Variants in UNC5D observed in about 807,000 individuals in gnomAD.
UNC5D encodes the protein netrin receptor UNC5D.
Under a neutral mutation model 105.4 loss-of-function variants are expected in UNC5D, and 39 were observed. The ratio of observed to expected loss-of-function variants is 0.37; its 90% CI spans 0.29 to 0.48. The LOEUF (loss-of-function observed/expected upper bound fraction) is 0.48, where lower values mean the gene tolerates loss of function less well. Among genes scored for constraint, UNC5D ranks in the 20% least tolerant of loss-of-function variants. The probability of loss-of-function intolerance (pLI) is 0.98; values close to 1 mark genes in which losing one functional copy is unlikely to be tolerated. For missense variants in UNC5D, 991 were observed against 1,202.4 expected (o/e 0.82, Z 2.60); for synonymous variants, 452 against 450.4 (o/e 1.00, Z -0.04).
At chr8:35,301,790 A>G (rs1036500278) in intron 1 of UNC5D, among the ~76,000 whole-genome samples, 1 of 152,190 alleles carries the variant, frequency 6.6e-6, no homozygotes, top group Non-Finnish European at 1.5e-5. Context: ...AAACACTTGA[A>G]TAGAAGAATG....
At chr8:35,390,254 C>T (rs1307427396) in intron 1 of UNC5D, among the ~76,000 whole-genome samples, 1 of 152,148 alleles carries the variant, frequency 6.6e-6, no homozygotes, top group Non-Finnish European at 1.5e-5. Flanking sequence ...AATCACCTTC[C>T]ACCAGGCCCC....
intron 1 of UNC5D, among the ~76,000 whole-genome samples, chr8:35,439,695 T>C (rs755252306): frequency 1.2e-4 from 19 of 152,024 alleles, no homozygotes; most frequent in Non-Finnish European, 1.8e-4. Flanking sequence ...ATCTTCTAAA[T>C]ATGGAAAGTC....
intron 1 of UNC5D, among the ~76,000 whole-genome samples, chr8:35,324,966 T>C (rs1048369977): frequency 2.0e-5 from 3 of 152,154 alleles, no homozygotes; most frequent in African/African-American, 4.8e-5. Flanking sequence ...TGCTGAATGA[T>C]ATCACTCAGC....
chr8:35,740,583 C>T (rs1298215285), intron 11 of UNC5D, among the ~76,000 whole-genome samples: 4 of 152,184 alleles, frequency 2.6e-5, no homozygotes, highest in African/African-American at 9.7e-5. Flanking sequence ...TTTGACCCCT[C>T]TGTGTACCTC....
At position 35,682,210 on chromosome 8, in the gene UNC5D, G is replaced by A. The variant is rs144977945; in HGVS notation, c.571-1337G>A. ...CAATTCCTGACCTCGTGATCTGCCCGCCTCGGCCTCTCAACGTGCTGGGAT... is the reference window on the plus strand; with the variant it reads ...CAATTCCTGACCTCGTGATCTGCCCACCTCGGCCTCTCAACGTGCTGGGAT... On this transcript the variant is annotated intron_variant, in intron 4 of 16. Transcript: ENST00000404895. 7.2e-3 allele frequency among the ~76,000 whole-genome samples: 1,098 copies of A among 152,244 alleles called. 10 individuals are homozygous for A. Among genetic ancestry groups the A allele is most frequent in the African/African-American group, 0.025 (1,029 of 41,540 alleles).
At chr8:35,513,547 C>G (rs1425436837) in intron 1 of UNC5D, among the ~76,000 whole-genome samples, 1 of 152,158 alleles carries the variant, frequency 6.6e-6, no homozygotes, top group Non-Finnish European at 1.5e-5. Flanking sequence ...CCTCAACAAG[C>G]TATTCTAAGT....
chr8:35,545,704 A>G (rs558488367), intron 1 of UNC5D, among the ~76,000 whole-genome samples: 17 of 152,280 alleles, frequency 1.1e-4, no homozygotes, highest in Admixed American at 9.2e-4. Flanking sequence ...GACGGATGCA[A>G]ATAAACAGTG....
At chr8:35,255,027 C>T (rs1803974441) in intron 1 of UNC5D, 1 of 152,110 alleles carries the variant, frequency 6.6e-6, no homozygotes, top group Non-Finnish European at 1.5e-5. Context: ...TCTAAAAAAT[C>T]CCAAAATAAC....
At chr8:35,561,486 C>T (rs1014209297) in intron 2 of UNC5D, among the ~76,000 whole-genome samples, 2 of 152,072 alleles carry the variant, frequency 1.3e-5, no homozygotes, top group African/African-American at 4.8e-5. Flanking sequence ...ATAAAAGTCA[C>T]TTCCATATCT....
chr8:35,622,871 C>G (rs1821443140), intron 4 of UNC5D, among the ~76,000 whole-genome samples: 2 of 152,166 alleles, frequency 1.3e-5, no homozygotes, highest in African/African-American at 2.4e-5. Flanking sequence ...ATAGCTCATC[C>G]TATTCCAGTC....
chr8:35,762,854 T>C (rs1016182922), intron 14 of UNC5D, among the ~76,000 whole-genome samples: 2 of 152,216 alleles, frequency 1.3e-5, no homozygotes, highest in Non-Finnish European at 2.9e-5. Context: ...TCCAGCATGC[T>C]ATGTATCTTG....
chr8:35,373,732 T>G (rs1050168045), intron 1 of UNC5D, among the ~76,000 whole-genome samples: 14 of 152,324 alleles, frequency 9.2e-5, no homozygotes, highest in African/African-American at 2.9e-4. Context: ...GAGTCAACTA[T>G]CTGCAGTTGT....
chr8:35,304,094 A>G (rs896857755), intron 1 of UNC5D, among the ~76,000 whole-genome samples: 6 of 152,140 alleles, frequency 3.9e-5, no homozygotes. Flanking sequence ...CTTGATTGGC[A>G]GGAAAAATTG....
chr8:35,755,472 GTGTGTA>G (rs985056205), intron 13 of UNC5D, among the ~76,000 whole-genome samples: 1 of 148,096 alleles, frequency 6.8e-6, no homozygotes, highest in Non-Finnish European at 1.5e-5. Flanking sequence ...GACATAATTT[GTGTGTA>G]TGTGTGTGTG....
chr8:35,350,509 C>T (rs1812164613), intron 1 of UNC5D, among the ~76,000 whole-genome samples: 1 of 151,936 alleles, frequency 6.6e-6, no homozygotes, highest in Non-Finnish European at 1.5e-5. Flanking sequence ...AACTCAAAAA[C>T]ATGTACTATT....
intron 1 of UNC5D, among the ~76,000 whole-genome samples, chr8:35,314,000 ATGT>A (rs531574773): frequency 7.7e-4 from 117 of 152,262 alleles, no homozygotes; most frequent in African/African-American, 2.5e-3. Context: ...GAGAATGGAA[ATGT>A]TGTTCTAATT....
chr8:35,717,752 T>C (rs1307046885), intron 8 of UNC5D, among the ~76,000 whole-genome samples: 1 of 152,234 alleles, frequency 6.6e-6, no homozygotes, highest in African/African-American at 2.4e-5. Flanking sequence ...TCTTTTGCAG[T>C]TCTTGTTAAA....
intron 1 of UNC5D, among the ~76,000 whole-genome samples, chr8:35,369,251 C>T (rs1297982987): frequency 6.6e-6 from 1 of 152,120 alleles, no homozygotes; most frequent in African/African-American, 2.4e-5. Context: ...CACATGGAGT[C>T]CAGGCCTCCT....
At chr8:35,575,199 G>A (rs961794637) in intron 3 of UNC5D, among the ~76,000 whole-genome samples, 4 of 151,928 alleles carry the variant, frequency 2.6e-5, no homozygotes, top group African/African-American at 7.2e-5. Context: ...TAGTTAGATC[G>A]TAAACTGCTT....
Sources: allele counts gnomAD v4.1 joint callset (sites outside exome capture counted in the v4.1 genomes callset), GRCh38; gene constraint gnomAD v4.1.1; transcripts MANE v1.5; gene names NCBI Gene and HGNC (gene_info 2026-07-23, HGNC 2026-07-21).